The following LUZP2 variants were observed in gnomAD, a reference collection of about 807,000 sequenced individuals.
LUZP2 encodes the protein leucine zipper protein 2.
In LUZP2, 52 loss-of-function variants were observed where a neutral mutation model predicts 51.6. That is an observed-to-expected ratio of 1.01 (90% CI 0.81 to 1.27). The LOEUF is 1.27. LUZP2 is among the 50% of genes most tolerant of loss of function. The probability of loss-of-function intolerance (pLI) is 0.00; values close to 1 mark genes in which losing one functional copy is unlikely to be tolerated. For missense variants in LUZP2, 436 were observed against 395.4 expected, an observed-to-expected ratio of 1.10 and a Z score of -0.87; for synonymous variants, 154 against 137.3, an observed-to-expected ratio of 1.12 and a Z score of -0.85.
rs1854109245 is a variant in LUZP2, at chr11:24,611,304, T to C, written c.62+113999T>C. Among the ~76,000 whole-genome samples, 1 of 152,176 alleles carries C rather than the reference T, an allele frequency of 6.6e-6. No homozygotes were observed. Among genetic ancestry groups the C allele is most frequent in the South Asian group, 2.1e-4 (1 of 4,832 alleles). On this transcript the variant is annotated intron_variant, in intron 1 of 11. Coordinates refer to ENST00000336930, the MANE Select transcript of LUZP2 (RefSeq NM_001009909.4). The surrounding 1 kb of genome is among the most constrained non-coding windows in gnomAD (Gnocchi z 4.6). ...AGCAAAATAATAACAAAAATGCTTCTACAGTCCATTATTCAAAAGAATGTA... is the reference window on the plus strand; with the variant it reads ...AGCAAAATAATAACAAAAATGCTTCCACAGTCCATTATTCAAAAGAATGTA...
intron 1 of LUZP2, among the ~76,000 whole-genome samples, chr11:24,595,799 A>G (rs1853425363): frequency 6.6e-6 from 1 of 152,168 alleles, no homozygotes; most frequent in South Asian, 2.1e-4. Flanking sequence ...CTGAAATTTA[A>G]GCCAGTCAAT....
intron 5 of LUZP2, among the ~76,000 whole-genome samples, chr11:24,898,482 G>C (rs1853158216): frequency 6.6e-6 from 1 of 152,160 alleles, no homozygotes; most frequent in Non-Finnish European, 1.5e-5. Flanking sequence ...AAATTAGCTG[G>C]GCGTGGTGGT....
chr11:24,920,286 CTTAG>C (rs1853999352), intron 7 of LUZP2, among the ~76,000 whole-genome samples: 1 of 151,878 alleles, frequency 6.6e-6, no homozygotes, highest in Admixed American at 6.6e-5. Context: ...AAAATAGTGG[CTTAG>C]TTAAATTACT....
intron 5 of LUZP2, among the ~76,000 whole-genome samples, chr11:24,769,257 GA>G (rs1441388685): frequency 1.3e-5 from 2 of 152,312 alleles, no homozygotes; most frequent in East Asian, 3.9e-4. Flanking sequence ...GGAGATGGAA[GA>G]AGTTTTGTCA....
At chr11:24,926,220 TAC>T (rs1235870450) in intron 7 of LUZP2, among the ~76,000 whole-genome samples, 2 of 148,674 alleles carry the variant, frequency 1.3e-5, no homozygotes, top group East Asian at 2.0e-4. Context: ...TATATATATA[TAC>T]GTGTATATAT....
At chr11:24,920,439 G>A (rs944397048) in intron 7 of LUZP2, among the ~76,000 whole-genome samples, 8 of 151,780 alleles carry the variant, frequency 5.3e-5, no homozygotes, top group Non-Finnish European at 2.9e-5. Context: ...TCTCACTGTT[G>A]GGTATCTACT....
At chr11:24,912,297 C>T (rs749097118) in intron 6 of LUZP2, among the ~76,000 whole-genome samples, 2 of 150,584 alleles carry the variant, frequency 1.3e-5, no homozygotes, top group Non-Finnish European at 2.9e-5. Context: ...TGTTAACTTC[C>T]TGATTCAATG....
intron 7 of LUZP2, among the ~76,000 whole-genome samples, chr11:24,972,139 G>GAAAAAAAAAAAAAAA (rs10701148): frequency 3.0e-5 from 1 of 32,798 alleles, no homozygotes; most frequent in African/African-American, 1.2e-4. Flanking sequence ...GTGAGACTCC[G>GAAAAAAAAAAAAAAA]AAAAAAAAAA....
intron 5 of LUZP2, among the ~76,000 whole-genome samples, chr11:24,895,795 C>T (rs1853023455): frequency 6.6e-6 from 1 of 152,196 alleles, no homozygotes; most frequent in African/African-American, 2.4e-5. Context: ...GGGCAATGAA[C>T]ATGTGAGTGC....
chr11:24,881,555 GTAT>G (rs1852469548), intron 5 of LUZP2, among the ~76,000 whole-genome samples: 2 of 151,970 alleles, frequency 1.3e-5, no homozygotes, highest in African/African-American at 4.8e-5. Flanking sequence ...GAAGTTGAAA[GTAT>G]TCTGATTACT....
intron 5 of LUZP2, among the ~76,000 whole-genome samples, chr11:24,840,191 A>C (rs1257824219): frequency 6.6e-6 from 1 of 151,798 alleles, no homozygotes; most frequent in Admixed American, 6.6e-5. Context: ...AACTCAATTA[A>C]TACCTTTCTT....
intron 10 of LUZP2, among the ~76,000 whole-genome samples, chr11:25,061,692 T>TCTCCAGAC (rs1858842564): frequency 6.6e-6 from 1 of 152,172 alleles, no homozygotes; most frequent in African/African-American, 2.4e-5. Context: ...TTTAAATAAT[T>TCTCCAGAC]CTCCAGACTA....
intron 5 of LUZP2, among the ~76,000 whole-genome samples, chr11:24,861,611 G>A (rs990360745): frequency 6.6e-6 from 1 of 152,168 alleles, no homozygotes; most frequent in African/African-American, 2.4e-5. Context: ...CTCAGACACA[G>A]GTATGCAGTG....
intron 9 of LUZP2, among the ~76,000 whole-genome samples, chr11:25,045,471 T>C (rs1194229435): frequency 6.6e-6 from 1 of 152,108 alleles, no homozygotes; most frequent in African/African-American, 2.4e-5. Context: ...CCCTTTTATC[T>C]TCCATCTAAA....
intron 1 of LUZP2, among the ~76,000 whole-genome samples, chr11:24,658,316 A>C (rs537027149): frequency 1.8e-4 from 27 of 152,308 alleles, no homozygotes; most frequent in African/African-American, 3.4e-4. Context: ...CAAAAACAAG[A>C]CATGGGGAAA....
chr11:24,605,689 G>A (rs1421829831), intron 1 of LUZP2, among the ~76,000 whole-genome samples: 3 of 151,708 alleles, frequency 2.0e-5, no homozygotes, highest in African/African-American at 7.3e-5. Context: ...TGAATTCATT[G>A]TAAAATGATA....
At chr11:24,685,817 G>A (rs1218173324) in intron 1 of LUZP2, among the ~76,000 whole-genome samples, 1 of 152,122 alleles carries the variant, frequency 6.6e-6, no homozygotes, top group African/African-American at 2.4e-5. Context: ...GTTATTTATG[G>A]TAGAGATAAT....
At chr11:24,924,192 C>T (rs1324807295) in intron 7 of LUZP2, among the ~76,000 whole-genome samples, 1 of 152,000 alleles carries the variant, frequency 6.6e-6, no homozygotes, top group Non-Finnish European at 1.5e-5. Context: ...ACTCTCCTGC[C>T]TCAGCCTCCC....
rs993566031 is a variant in LUZP2, at chr11:25,013,460, G to A, written c.765+30167G>A. On this transcript the variant is annotated intron_variant, in intron 9 of 11. Transcript: ENST00000336930. ...ATTAATTAATTAGTTTAAAAAGCAG[G>A]CCTACACTAGCTTACCCATATGCTT... Among the ~76,000 whole-genome samples, 3 of 151,934 alleles carry A rather than the reference G, an allele frequency of 2.0e-5. No individual in the cohort carries two copies. In the East Asian group the frequency reaches 5.8e-4, roughly 29 times the overall value.
Sources: allele counts gnomAD v4.1 joint callset (sites outside exome capture counted in the v4.1 genomes callset), GRCh38; gene constraint gnomAD v4.1.1; non-coding constraint Gnocchi (gnomAD v3.1); transcripts MANE v1.5; gene names NCBI Gene and HGNC (gene_info 2026-07-23, HGNC 2026-07-21).